The following SRRM2 variants were observed in gnomAD, a reference collection of about 807,000 sequenced individuals.
SRRM2 encodes the protein serine/arginine repetitive matrix 2, also known as serine/arginine repetitive matrix protein 2.
Under a neutral mutation model 213.8 loss-of-function variants are expected in SRRM2, and 30 were observed. That is an observed-to-expected ratio of 0.14 (90% confidence interval 0.10 to 0.19). SRRM2 has a LOEUF of 0.19. Among genes scored for constraint, SRRM2 ranks in the 10% least tolerant of loss-of-function variants. The pLI, the probability that SRRM2 is intolerant of heterozygous loss-of-function variation, is 1.00. For synonymous variants in SRRM2, 2,025 were observed against 1,377.7 expected, an observed-to-expected ratio of 1.47 and a Z score of -10.40; for missense variants, 4,904 against 3,647.0, an observed-to-expected ratio of 1.34 and a Z score of -8.88.
intron 12 of SRRM2, chr16:2,769,925 T>A: frequency 2.3e-6 from 1 of 440,444 alleles, no homozygotes; most frequent in Non-Finnish European, 4.5e-6. Context: ...TCCTTCTGCC[T>A]GGAATTTCCT....
At chr16:2,770,574 C>T in intron 13 of SRRM2, 30 bp from the exon 14 acceptor site, 1 of 1,551,726 alleles carries the variant, frequency 6.4e-7, no homozygotes, top group South Asian at 1.2e-5. Flanking sequence ...TGGTGCCACC[C>T]TGTGGCCTGA....
chr16:2,768,891 G>A (rs560514806), intron 11 of SRRM2, 106 bp from the exon 12 acceptor site: 13 of 1,557,008 alleles, frequency 8.3e-6, no homozygotes, highest in South Asian at 3.5e-5. Flanking sequence ...AGCTCCCAGC[G>A]CCTTTCTCAG....
Position 2,756,546 on chromosome 16 carries a change from A to G in SRRM2, c.182A>G (p.Glu61Gly). The part of the protein sequence containing the change: ...KRPNPDILDH[E>G]RKRRVELRCL... ...CCTAATCCTGACATCCTGGACCACG[A>G]GCGCAAGCGGCGCGTCGAGCTGCGA... Residue 61 changes from glutamate to glycine, a missense_variant, in exon 2 of 15, where the codon GAG (glutamate) becomes GGG (glycine). Transcript: ENST00000301740. The G allele has an allele frequency of 1.2e-6, 2 of 1,614,086 alleles. No individual in the cohort carries two copies. Among genetic ancestry groups the G allele is most frequent in the South Asian group, 1.1e-5 (1 of 91,084 alleles).
intron 5 of SRRM2, 27 bp downstream of exon 5, chr16:2,758,574 T>C (rs769158460): frequency 2.5e-6 from 4 of 1,595,586 alleles, no homozygotes; most frequent in South Asian, 1.1e-5. Flanking sequence ...GTGACTCTGA[T>C]AGCCAGAGGA....
In SRRM2 at chr16:2,759,661, G is replaced by A; in HGVS notation, c.833G>A (p.Arg278Gln). The A allele has an allele frequency of 1.9e-6, 3 of 1,613,354 alleles. No homozygotes were observed. Among genetic ancestry groups the A allele is most frequent in the Non-Finnish European group, 2.5e-6 (3 of 1,179,458 alleles). ...SASSSDTSRS[R>Q]SRSAAAKTHT... The stretch of plus-strand genomic sequence containing the variant: ...TCCTCCTCCGATACTTCCCGCAGTC[G>A]GTAAGGGGTAGTCCAGGAGGAAGGG... The change falls in exon 9 of 15, where the codon CGG (arginine) becomes CAG (glutamine). Residue 278 changes from arginine (R) to glutamine (Q), a missense_variant and splice_region_variant. By Grantham distance (43) the Arg-to-Gln change is conservative (BLOSUM62 1). Transcript: ENST00000301740.
In SRRM2 at chr16:2,765,064, C is replaced by A. The variant is rs771462309; in HGVS notation, c.4536C>A (p.Pro1512=). ...AGCTCAACAACAAGTGTCTTACCCC[C>A]CAGAGAGAAAGAAGCGGGTCAGAAT... ...SPELNNKCLT[P]QRERSGSESS... Residue 1512 remains proline, a synonymous_variant, in exon 11 of 15, where the codon CCC becomes CCA. Coordinates refer to ENST00000301740, the MANE Select transcript of SRRM2 (RefSeq NM_016333.4). 2.8e-5 allele frequency: 45 copies of A among 1,613,958 alleles called. No homozygotes were observed. The highest frequency in any genetic ancestry group is 3.7e-5 in the Non-Finnish European group (44 of 1,180,016).
chr16:2,770,252 G>C (rs1352772974), intron 12 of SRRM2, 100 bp from the exon 13 acceptor site: 1 of 1,471,178 alleles, frequency 6.8e-7, no homozygotes, highest in Non-Finnish European at 9.0e-7. Flanking sequence ...GGCCCTGTGT[G>C]GTGTGAGGTT....
Position 2,771,042 on chromosome 16 carries a change from T to TA in SRRM2, c.*177dup, listed in dbSNP as rs766726779. On this transcript the variant is annotated 3_prime_UTR_variant, in exon 15 of 15. Coordinates refer to ENST00000301740, the MANE Select transcript of SRRM2 (RefSeq NM_016333.4). The stretch of plus-strand genomic sequence containing the variant: ...TTTTTTCTTTGTTCCTGTGAAATGT[T>TA]AATCTCCGTGAGTTCTTCCTGGTTC... The TA allele has an allele frequency of 2.2e-5, 12 of 539,116 alleles. No homozygotes were observed. In the East Asian group the frequency reaches 5.4e-4, roughly 24 times the overall value. The allele number at this position is 539,116 out of a possible 1,614,324, so 33.4% of individuals were successfully genotyped here. A position where few individuals can be genotyped will look rare whatever the true frequency, so the allele number is the denominator to read the frequency against.
rs768021782 is a variant in SRRM2 at position 2,767,367 on chromosome 16, C to T, written c.6839C>T (p.Ser2280Leu). ...LASPRTAVAPSAVNLADPRTP... is the reference protein window; with the variant it reads ...LASPRTAVAPLAVNLADPRTP... ...AGCCCCAGAACAGCGGTGGCACCTTCGGCTGTGAACCTGGCTGACCCTCGC... is the reference window on the plus strand; with the variant it reads ...AGCCCCAGAACAGCGGTGGCACCTTTGGCTGTGAACCTGGCTGACCCTCGC... Residue 2280 changes from serine (S) to leucine (L), a missense_variant, in exon 11 of 15, where the codon TCG becomes TTG. Physicochemically the swap from Ser to Leu is moderately radical, Grantham distance 145 (BLOSUM62 -2). Coordinates refer to ENST00000301740, the MANE Select transcript of SRRM2 (RefSeq NM_016333.4). 8.1e-6 allele frequency: 13 copies of T among 1,613,662 alleles called. No individual in the cohort carries two copies. Among genetic ancestry groups the T allele is most frequent in the African/African-American group, 1.3e-5 (1 of 74,920 alleles).
intron 1 of SRRM2, 25 bp from the exon 2 acceptor site, chr16:2,756,309 C>G: frequency 4.0e-6 from 6 of 1,513,540 alleles, no homozygotes; most frequent in Non-Finnish European, 8.8e-7. Flanking sequence ...AGGGGCCTGA[C>G]CCGTGTCTCC....
At position 2,761,571 on chromosome 16, in the gene SRRM2, C is replaced by G; in HGVS notation, c.1043C>G (p.Thr348Ser). ...KDKDKKEKSA[T>S]RPSPSPERSS... ...CTCTTCCACTCTTAGAAATCTGCAA[C>G]TCGACCTAGCCCCTCTCCGGAAAGG... Residue 348 changes from threonine (T) to serine (S), a missense_variant, in exon 11 of 15, where the codon ACT becomes AGT. Physicochemically the swap from Thr to Ser is moderately conservative, Grantham distance 58 (BLOSUM62 1). Coordinates refer to ENST00000301740, the MANE Select transcript of SRRM2 (RefSeq NM_016333.4). 2 of 1,504,348 alleles carry G rather than the reference C, an allele frequency of 1.3e-6. No individual in the cohort carries two copies. The highest frequency in any genetic ancestry group is 1.4e-5 in the South Asian group (1 of 72,444). The allele number at this position is 1,504,348 out of a possible 1,614,324, so 93.2% of individuals were successfully genotyped here.
rs183800656 is a variant in SRRM2 at position 2,760,524 on chromosome 16, C to T, written c.1032+25C>T. The T allele has an allele frequency of 4.3e-6, 7 of 1,611,412 alleles. No homozygotes were observed. In the East Asian group the frequency reaches 1.1e-4, roughly 26 times the overall value. On this transcript the variant is annotated intron_variant, in intron 10 of 14. Transcript: ENST00000301740. ...GGTATGTTCCTGAGTTGGTGATGTTCATTGGATTGCAAATGTATAGATTTA... is the reference window on the plus strand; with the variant it reads ...GGTATGTTCCTGAGTTGGTGATGTTTATTGGATTGCAAATGTATAGATTTA...
At chr16:2,756,253 A>G (rs2068135769) in intron 1 of SRRM2, 81 bp from the exon 2 acceptor site, 2 of 1,264,882 alleles carry the variant, frequency 1.6e-6, no homozygotes, top group Non-Finnish European at 2.1e-6. Flanking sequence ...GGGATGAAGG[A>G]GAGCAGGGAC....
Position 2,758,742 on chromosome 16 carries a change from A to G in SRRM2, c.593+195A>G, listed in dbSNP as rs1020401784. ...GAAGTGTTGAGTTTGCAGTTCTGCT[A>G]ATTAAGATTGGCCAGCAGCATTTTG... is the stretch of plus-strand genomic sequence containing the variant. On this transcript the variant is annotated intron_variant, in intron 5 of 14. Coordinates refer to ENST00000301740, the MANE Select transcript of SRRM2 (RefSeq NM_016333.4). 6 of 677,654 alleles carry G rather than the reference A, an allele frequency of 8.9e-6. No homozygotes were observed. In the Admixed American group the frequency reaches 1.5e-4, roughly 16 times the overall value. The allele number at this position is 677,654 out of a possible 1,614,324, so 42.0% of individuals were successfully genotyped here.
chr16:2,766,166 A>C lies in SRRM2; in HGVS notation c.5638A>C (p.Thr1880Pro). The C allele has an allele frequency of 6.2e-7, 1 of 1,613,416 alleles. No homozygotes were observed. Residue 1880 changes from threonine to proline, a missense_variant, in exon 11 of 15, where the codon ACC becomes CCC. Transcript: ENST00000301740. The surrounding 1 kb of genome is among the most constrained non-coding windows in gnomAD (Gnocchi z 7.0). ...CACTCACCGGCGATCCAGGTCCAGA[A>C]CCCCCCTGATAAGCCGACGTAGGTC... ...PATHRRSRSR[T>P]PLISRRRSRS... is the part of the protein sequence containing the mutation.
In SRRM2 at chr16:2,764,471, A is replaced by G. The variant is rs1275664743; in HGVS notation, c.3943A>G (p.Lys1315Glu). The G allele has an allele frequency of 2.5e-6, 4 of 1,613,612 alleles. No homozygotes were observed. The highest frequency in any genetic ancestry group is 1.1e-5 in the South Asian group (1 of 90,920). Residue 1315 changes from lysine (K) to glutamate (E), a missense_variant, in exon 11 of 15, where the codon AAA (lysine) becomes GAA (glutamate). Physicochemically the swap from Lys to Glu is moderately conservative, Grantham distance 56. Transcript: ENST00000301740. ...WGGPHFSPEH[K>E]ELSNSPLREN... The stretch of plus-strand genomic sequence containing the variant: ...TGGGCCACATTTTTCTCCAGAACAT[A>G]AAGAACTGTCTAACTCCCCACTCAG...
chr16:2,754,753 C>T (rs1446533109), intron 1 of SRRM2, among the ~76,000 whole-genome samples: 1 of 152,012 alleles, frequency 6.6e-6, no homozygotes, highest in African/African-American at 2.4e-5. Flanking sequence ...AGTTTTAAAC[C>T]GTGAGGAGGA....
chr16:2,757,974 C>T (rs1162449051), intron 4 of SRRM2, 29 bp downstream of exon 4: 3 of 1,589,382 alleles, frequency 1.9e-6, no homozygotes, highest in South Asian at 1.1e-5. Flanking sequence ...CCACTGTCAG[C>T]TTCTTTTCTT....
In SRRM2 at chr16:2,765,458, G is replaced by A. The variant is rs1216989241; in HGVS notation, c.4930G>A (p.Gly1644Ser). The A allele has an allele frequency of 6.2e-7, 1 of 1,614,098 alleles. No homozygotes were observed. Among genetic ancestry groups the A allele is most frequent in the East Asian group, 2.2e-5 (1 of 44,874 alleles). The change falls in exon 11 of 15, where the codon GGC (glycine) becomes AGC (serine). Residue 1644 changes from glycine (G) to serine (S), a missense_variant. Physicochemically the swap from Gly to Ser is moderately conservative, Grantham distance 56. Coordinates refer to ENST00000301740, the MANE Select transcript of SRRM2 (RefSeq NM_016333.4). Reference protein sequence around the residue: ...RRSRSGSSSKGRGPSPEGSSS... With the variant: ...RRSRSGSSSKSRGPSPEGSSS... ...AAGCAGATCAGGTTCATCAAGCAAA[G>A]GCAGAGGCCCTTCTCCTGAAGGAAG...
Sources: allele counts gnomAD v4.1 joint callset (sites outside exome capture counted in the v4.1 genomes callset), GRCh38; gene constraint gnomAD v4.1.1; non-coding constraint Gnocchi (gnomAD v3.1); transcripts MANE v1.5; gene names NCBI Gene and HGNC (gene_info 2026-07-23, HGNC 2026-07-21).